The following GRIP1 variants were observed in gnomAD, a reference collection of about 807,000 sequenced individuals.
The protein encoded by GRIP1 is glutamate receptor-interacting protein 1.
GRIP1 carries 45 observed loss-of-function variants against 129.9 expected under a neutral mutation model. The ratio of observed to expected loss-of-function variants is 0.35; its 90% CI spans 0.27 to 0.44. The LOEUF (loss-of-function observed/expected upper bound fraction) is 0.44. Among genes scored for constraint, GRIP1 ranks in the 20% least tolerant of loss-of-function variants. The pLI is 1.00. For missense variants in GRIP1, 1,196 were observed against 1,396.8 expected (o/e 0.86, Z 2.29); for synonymous variants, 530 against 520.8 (o/e 1.02, Z -0.24).
intron 6 of GRIP1, among the ~76,000 whole-genome samples, chr12:66,516,802 G>A (rs1055122250): frequency 6.6e-6 from 1 of 152,158 alleles, no homozygotes; most frequent in African/African-American, 2.4e-5. Context: ...AGAAACCAGT[G>A]TTTTCCTATT....
chr12:66,947,297 T>C (rs546110694), intron 1 of GRIP1, among the ~76,000 whole-genome samples: 2 of 152,340 alleles, frequency 1.3e-5, no homozygotes, highest in South Asian at 4.1e-4. Context: ...CTGTAAGATC[T>C]ACTGAATGAG....
chr12:66,511,729 C>A (rs2060704746), intron 7 of GRIP1, among the ~76,000 whole-genome samples: 1 of 152,130 alleles, frequency 6.6e-6, no homozygotes. Flanking sequence ...GACCATCTTG[C>A]CATGACATAG....
intron 1 of GRIP1, among the ~76,000 whole-genome samples, chr12:66,660,460 C>T (rs2033428363): frequency 6.6e-6 from 1 of 152,080 alleles, no homozygotes; most frequent in Non-Finnish European, 1.5e-5. Flanking sequence ...AAATCAAGAA[C>T]TTATCCATCA....
chr12:66,971,797 T>C (rs2042080085), intron 1 of GRIP1, among the ~76,000 whole-genome samples: 1 of 152,166 alleles, frequency 6.6e-6, no homozygotes, highest in Non-Finnish European at 1.5e-5. Context: ...GAGGAGAAGT[T>C]AGAAAATAAG....
chr12:66,857,144 G>T (rs2040020080), intron 1 of GRIP1, among the ~76,000 whole-genome samples: 1 of 149,186 alleles, frequency 6.7e-6, no homozygotes, highest in South Asian at 2.1e-4. Flanking sequence ...AACACCGCAT[G>T]TTCTCACTCA....
intron 1 of GRIP1, among the ~76,000 whole-genome samples, chr12:66,747,951 T>A (rs2037002281): frequency 6.6e-6 from 1 of 152,240 alleles, no homozygotes; most frequent in Non-Finnish European, 1.5e-5. Flanking sequence ...TATATAAATT[T>A]ACATATGTGT....
Position 66,606,326 on chromosome 12 carries a change from A to C in GRIP1, c.56-9399T>G, listed in dbSNP as rs184924943. Among the ~76,000 whole-genome samples, 1,184 of 152,320 alleles carry C rather than the reference A, an allele frequency of 7.8e-3. 9 individuals are homozygous for C. The highest frequency in any genetic ancestry group is 0.013 in the Non-Finnish European group (879 of 68,028). ...GTAAGGGGTATAAGTTACACGAAGA[A>C]AAATGAGAGTTTAATTATAATCATA... On this transcript the variant is annotated intron_variant, in intron 1 of 24. Transcript: ENST00000359742.
intron 1 of GRIP1, among the ~76,000 whole-genome samples, chr12:66,852,532 GTA>G (rs201373720): frequency 0.16 from 23,364 of 149,742 alleles, 1,984 homozygotes; most frequent in East Asian, 0.37. Context: ...ATATGTATAT[GTA>G]TATATGTATA....
intron 1 of GRIP1, among the ~76,000 whole-genome samples, chr12:66,810,810 A>G (rs1312244322): frequency 2.0e-5 from 3 of 152,178 alleles, no homozygotes; most frequent in Non-Finnish European, 1.5e-5. Flanking sequence ...GATTCTGTCC[A>G]ATTTCTACTT....
intron 4 of GRIP1, among the ~76,000 whole-genome samples, chr12:66,533,574 G>A (rs933309424): frequency 6.6e-6 from 1 of 152,068 alleles, no homozygotes; most frequent in African/African-American, 2.4e-5. Flanking sequence ...GAATCTGAGA[G>A]GTGGAGGTTG....
chr12:66,717,942 T>C (rs2035943229), intron 1 of GRIP1, among the ~76,000 whole-genome samples: 1 of 152,140 alleles, frequency 6.6e-6, no homozygotes, highest in Admixed American at 6.5e-5. Flanking sequence ...GCACATCTTG[T>C]TTCCTGGGTG....
At chr12:66,979,091 G>A (rs2042197258) in intron 1 of GRIP1, among the ~76,000 whole-genome samples, 1 of 151,990 alleles carries the variant, frequency 6.6e-6, no homozygotes, top group Non-Finnish European at 1.5e-5. Context: ...GATCCCATGT[G>A]TGACCTTTTT....
intron 1 of GRIP1, among the ~76,000 whole-genome samples, chr12:66,709,018 GAA>G (rs1322399116): frequency 6.6e-6 from 1 of 151,112 alleles, no homozygotes; most frequent in African/African-American, 2.4e-5. Flanking sequence ...TAATATAAAA[GAA>G]AAGACAGTAG....
At chr12:66,621,695 C>G (rs963441653) in intron 1 of GRIP1, among the ~76,000 whole-genome samples, 1 of 152,138 alleles carries the variant, frequency 6.6e-6, no homozygotes, top group African/African-American at 2.4e-5. Context: ...AGCAGCTACA[C>G]TATTTTATAT....
At chr12:66,426,162 A>C (rs1347023836) in intron 14 of GRIP1, among the ~76,000 whole-genome samples, 1 of 152,096 alleles carries the variant, frequency 6.6e-6, no homozygotes, top group Non-Finnish European at 1.5e-5. Flanking sequence ...ATTTCCATCC[A>C]CAGGTATGGA....
At chr12:66,761,847 G>A (rs2037485525) in intron 1 of GRIP1, among the ~76,000 whole-genome samples, 1 of 152,152 alleles carries the variant, frequency 6.6e-6, no homozygotes, top group Admixed American at 6.5e-5. Flanking sequence ...CTAAACAAGA[G>A]AGAAGCAACA....
At chr12:66,812,701 A>G (rs1376597913) in intron 1 of GRIP1, among the ~76,000 whole-genome samples, 1 of 152,180 alleles carries the variant, frequency 6.6e-6, no homozygotes, top group Non-Finnish European at 1.5e-5. Context: ...TTTGCCCTAT[A>G]AAATGTATTT....
intron 7 of GRIP1, among the ~76,000 whole-genome samples, chr12:66,489,985 T>C (rs1047546054): frequency 1.3e-5 from 2 of 151,878 alleles, no homozygotes; most frequent in East Asian, 3.9e-4. Context: ...AGAGAGGACA[T>C]AAACAAATGA....
chr12:66,885,834 C>T, intron 1 of GRIP1, among the ~76,000 whole-genome samples: 1 of 152,150 alleles, frequency 6.6e-6, no homozygotes, highest in East Asian at 1.9e-4. Context: ...GACCTTGTTA[C>T]CTTGAATGGG....
Sources: allele counts gnomAD v4.1 joint callset (sites outside exome capture counted in the v4.1 genomes callset), GRCh38; gene constraint gnomAD v4.1.1; transcripts MANE v1.5; gene names NCBI Gene and HGNC (gene_info 2026-07-23, HGNC 2026-07-21).